The following FGD2 variants were observed in gnomAD, a reference collection of about 807,000 sequenced individuals.
FGD2 encodes the protein FYVE, RhoGEF and PH domain-containing protein 2.
Under a neutral mutation model 75.9 loss-of-function variants are expected in FGD2, and 52 were observed. The ratio of observed to expected loss-of-function variants is 0.69; its 90% CI spans 0.55 to 0.86. The LOEUF is 0.86. Ranked by LOEUF, FGD2 falls within the 40% of genes least tolerant of loss-of-function variation. The pLI, the probability that FGD2 is intolerant of heterozygous loss-of-function variation, is 0.00. For missense variants in FGD2, 790 were observed against 872.0 expected, an observed-to-expected ratio of 0.91 and a Z score of 1.18; for synonymous variants, 347 against 348.6, an observed-to-expected ratio of 1.00 and a Z score of 0.05.
At chr6:37,012,740 A>C (rs543741833) in intron 4 of FGD2, among the ~76,000 whole-genome samples, 21 of 151,538 alleles carry the variant, frequency 1.4e-4, no homozygotes, top group Non-Finnish European at 2.4e-4. Flanking sequence ...AAGAAAAGAA[A>C]AGAGAAGGAT....
chr6:37,007,805 G>C (rs933388126), intron 1 of FGD2, among the ~76,000 whole-genome samples: 7 of 152,220 alleles, frequency 4.6e-5, no homozygotes, highest in Admixed American at 1.3e-4. Flanking sequence ...CATGGGCTGA[G>C]AAACCAGGGA....
rs1259990951 is a variant in FGD2, at chr6:37,011,034, T to A, written c.362T>A (p.Leu121His). The change falls in exon 3 of 16, where the codon CTC becomes CAC. Residue 121 changes from leucine (L) to histidine (H), a missense_variant. Leu to His is a moderately conservative substitution (Grantham distance 99). Transcript: ENST00000274963. ...ACAGAGCAGGCCTATGTGGCGCGCC[T>A]CCACCTGCTAGACCAGGCCAGTGAC... The part of the protein sequence containing the change: ...LETEQAYVAR[L>H]HLLDQVFFQE... 1 of 1,613,914 alleles carries A rather than the reference T, an allele frequency of 6.2e-7. No homozygotes were observed. Among genetic ancestry groups the A allele is most frequent in the Non-Finnish European group, 8.5e-7 (1 of 1,179,968 alleles).
intron 9 of FGD2, among the ~76,000 whole-genome samples, chr6:37,018,090 A>G (rs926642248): frequency 2.6e-5 from 4 of 152,212 alleles, no homozygotes; most frequent in Non-Finnish European, 5.9e-5. Flanking sequence ...AGCTACAGAC[A>G]GAGAAATGGA....
intron 9 of FGD2, 89 bp downstream of exon 9, chr6:37,015,949 T>C: frequency 8.3e-7 from 1 of 1,211,272 alleles, no homozygotes; most frequent in Non-Finnish European, 1.2e-6. Flanking sequence ...AGGTTCTCAA[T>C]CACAGAACCA....
intron 12 of FGD2, 104 bp from the exon 13 acceptor site, chr6:37,022,135 G>A: frequency 2.8e-6 from 4 of 1,447,544 alleles, no homozygotes; most frequent in Non-Finnish European, 3.7e-6. Flanking sequence ...CCAACACAAA[G>A]AATCCCTGCT....
chr6:37,014,553 T>C (rs879169786), intron 6 of FGD2, 93 bp from the exon 7 acceptor site: 3 of 1,417,392 alleles, frequency 2.1e-6, no homozygotes, highest in African/African-American at 2.8e-5. Context: ...TCATGGCAGG[T>C]CCTGAGGGCC....
At chr6:37,020,396 G>A in intron 9 of FGD2, 145 bp from the exon 10 acceptor site, 2 of 745,788 alleles carry the variant, frequency 2.7e-6, no homozygotes, top group Non-Finnish European at 4.4e-6. Context: ...AACAGGATTA[G>A]AGAGGTGGCG....
chr6:37,015,110 C>T, intron 8 of FGD2, 72 bp downstream of exon 8: 1 of 1,539,182 alleles, frequency 6.5e-7, no homozygotes, highest in Non-Finnish European at 8.7e-7. Context: ...CCGAGTCATA[C>T]TGCCTGGCCT....
At position 37,027,510 on chromosome 6, in the gene FGD2, C is replaced by A; in HGVS notation, c.1687C>A (p.Pro563Thr). 6.2e-7 allele frequency: 1 copy of A among 1,614,056 alleles called. No individual in the cohort carries two copies. Among genetic ancestry groups the A allele is most frequent in the Non-Finnish European group, 8.5e-7 (1 of 1,179,958 alleles). ...CGGGGACAAGTGGGGCAAGAGCGGC[C>A]CCCGGGGCTGGTGTGTGATCCCTCG... ...LIGDKWGKSG[P>T]RGWCVIPRDD... Residue 563 changes from proline to threonine, a missense_variant, in exon 15 of 16, where the codon CCC becomes ACC. Pro to Thr is a conservative substitution (Grantham distance 38). Transcript: ENST00000274963.
intron 8 of FGD2, 133 bp downstream of exon 8, chr6:37,015,171 C>A: frequency 7.8e-7 from 1 of 1,279,002 alleles, no homozygotes. Flanking sequence ...CTGTCTTTTT[C>A]TGCTTTGGCA....
At chr6:37,010,204 G>A (rs1764941663) in intron 2 of FGD2, among the ~76,000 whole-genome samples, 1 of 152,102 alleles carries the variant, frequency 6.6e-6, no homozygotes, top group Non-Finnish European at 1.5e-5. Context: ...CACAGTGCTG[G>A]AGGCTGGAAG....
chr6:37,012,925 C>G (rs56064451), intron 4 of FGD2: 10,521 of 146,844 alleles, frequency 0.072, 514 homozygotes, highest in Middle Eastern at 0.11. Context: ...CTGCTCTGCT[C>G]TAGCAGGCCC....
At chr6:37,021,882 T>G (rs542997313) in intron 12 of FGD2, 117 of 478,060 alleles carry the variant, frequency 2.4e-4, no homozygotes, top group African/African-American at 2.1e-3. Flanking sequence ...GGTTTTGGGT[T>G]TGAAAGTATC....
In FGD2 at chr6:37,020,528, C is replaced by T. The variant is rs1475988727; in HGVS notation, c.1123-13C>T. ...TGATGAGTCTGAACTGGTTGCCTCCCTCCTCTTGGCAGGTGCGGGAGCTGA... is the reference window on the plus strand; with the variant it reads ...TGATGAGTCTGAACTGGTTGCCTCCTTCCTCTTGGCAGGTGCGGGAGCTGA... On this transcript the variant is annotated splice_polypyrimidine_tract_variant and intron_variant, in intron 9 of 15. Transcript: ENST00000274963. 2 of 1,599,690 alleles carry T rather than the reference C, an allele frequency of 1.3e-6. No homozygotes were observed. The highest frequency in any genetic ancestry group is 2.2e-5 in the East Asian group (1 of 44,556).
intron 13 of FGD2, 55 bp from the exon 14 acceptor site, chr6:37,025,737 C>A: frequency 6.2e-7 from 1 of 1,603,700 alleles, no homozygotes; most frequent in Non-Finnish European, 8.5e-7. Flanking sequence ...AAGGCAGGAG[C>A]CCAGCCCTCC....
rs1189785855 is a variant in FGD2, at chr6:37,028,404, T to C, written c.*241T>C. 8.3e-6 allele frequency: 4 copies of C among 484,668 alleles called. No homozygotes were observed. Among genetic ancestry groups the C allele is most frequent in the Non-Finnish European group, 1.5e-5 (4 of 272,422 alleles). The allele number at this position is 484,668 out of a possible 1,614,324, so 30.0% of individuals were successfully genotyped here. On this transcript the variant is annotated 3_prime_UTR_variant, in exon 16 of 16. Transcript: ENST00000274963. The stretch of plus-strand genomic sequence containing the variant: ...TTGCGGGGAGGGGGCTCCTGGGCCA[T>C]GGGACTTCCAGTGCTAAAACTGGGA...
At chr6:37,014,201 T>A in intron 6 of FGD2, 101 bp downstream of exon 6, 1 of 1,379,688 alleles carries the variant, frequency 7.2e-7, no homozygotes. Flanking sequence ...CCATCAGTCA[T>A]CAACATCAAC....
In FGD2 at chr6:37,006,617, C is replaced by A. The variant is rs79431369; in HGVS notation, c.68+732C>A. Reference sequence around the variant, plus strand: ...GGGAGCATGTGTGTTTGTGTGTGTGCGCGTGTGTGTATGTGTGTGTTGTGT... The same window carrying A: ...GGGAGCATGTGTGTTTGTGTGTGTGAGCGTGTGTGTATGTGTGTGTTGTGT... On this transcript the variant is annotated intron_variant, in intron 1 of 15. Transcript: ENST00000274963. Among the ~76,000 whole-genome samples, 8 of 151,752 alleles carry A rather than the reference C, an allele frequency of 5.3e-5. No individual in the cohort carries two copies. In the East Asian group the frequency reaches 1.5e-3, roughly 29 times the overall value.
intron 9 of FGD2, among the ~76,000 whole-genome samples, 177 bp downstream of exon 9, chr6:37,016,037 C>G (rs1765270393): frequency 6.6e-6 from 1 of 152,232 alleles, no homozygotes; most frequent in African/African-American, 2.4e-5. Context: ...CCCTCCTGCC[C>G]TGTCCTTCCC....
Sources: gnomAD v4.1 joint callset for allele counts (sites outside exome capture counted in the v4.1 genomes callset) on GRCh38, gnomAD v4.1.1 for gene constraint, MANE v1.5 for transcripts, NCBI Gene and HGNC (gene_info 2026-07-23, HGNC 2026-07-21) for gene names.